The following OR9I1 variants were observed in gnomAD, a reference collection of about 807,000 sequenced individuals.
OR9I1 encodes olfactory receptor family 9 subfamily I member 1.
Under a neutral mutation model 11.2 loss-of-function variants are expected in OR9I1, and 7 were observed. The ratio of observed to expected loss-of-function variants is 0.62; its 90% CI spans 0.36 to 1.17. The LOEUF (loss-of-function observed/expected upper bound fraction) is 1.17, where lower values mean the gene tolerates loss of function less well. OR9I1 is among the 50% of genes most tolerant of loss of function. The pLI is 0.02. For synonymous variants in OR9I1, 165 were observed against 153.4 expected (o/e 1.08, Z -0.56); for missense variants, 428 against 377.2 (o/e 1.13, Z -1.12).
Position 58,118,677 on chromosome 11 carries a change from G to A in OR9I1, c.768C>T (p.Ile256=), listed in dbSNP as rs544060276. ...TAVALFFGAL[I]FMYLQSGSGK... ...CTGAGCCACTTTGCAGATACATGAA[G>A]ATAAGGGCTCCAAAGAAAAGGGCCA... The change falls in exon 3 of 3, where the codon ATC becomes ATT. Residue 256 remains isoleucine (I), a synonymous_variant. Transcript: ENST00000641439. The A allele has an allele frequency of 1.2e-6, 2 of 1,613,994 alleles. No individual in the cohort carries two copies. The highest frequency in any genetic ancestry group is 4.5e-5 in the East Asian group (2 of 44,836).
At chr11:58,124,009 C>A (rs1305302153) in intron 2 of OR9I1, among the ~76,000 whole-genome samples, 2 of 152,100 alleles carry the variant, frequency 1.3e-5, no homozygotes, top group Non-Finnish European at 2.9e-5. Context: ...AATATAGTAA[C>A]GATTCTTGAA....
rs977940614 is a variant in OR9I1 at position 58,117,976 on chromosome 11, C to T, written c.*524G>A. 7 of 152,410 alleles carry T rather than the reference C, an allele frequency of 4.6e-5. No individual in the cohort carries two copies. Among genetic ancestry groups the T allele is most frequent in the African/African-American group, 1.7e-4 (7 of 41,462 alleles). The allele number at this position is 152,410 out of a possible 1,614,324, so 9.4% of individuals were successfully genotyped here. On this transcript the variant is annotated 3_prime_UTR_variant, in exon 3 of 3. Coordinates refer to ENST00000641439, the MANE Select transcript of OR9I1 (RefSeq NM_001005211.2). ...AGAGAGAAGTTCATTTCTCAAACTT[C>T]CTTCCCTTGGCCAGTTGGAGACTGA... is the stretch of plus-strand genomic sequence containing the variant.
intron 2 of OR9I1, among the ~76,000 whole-genome samples, chr11:58,121,521 C>T (rs1259554954): frequency 3.9e-5 from 6 of 152,104 alleles, no homozygotes; most frequent in Admixed American, 3.9e-4. Context: ...ATCCGTTGAC[C>T]CACATGTAGA....
chr11:58,121,937 G>T (rs1190068732), intron 2 of OR9I1, among the ~76,000 whole-genome samples: 3 of 152,140 alleles, frequency 2.0e-5, no homozygotes, highest in Non-Finnish European at 4.4e-5. Context: ...ACTGACAGAG[G>T]TTAATGACTT....
At chr11:58,123,998 G>T (rs1018934307) in intron 2 of OR9I1, among the ~76,000 whole-genome samples, 3 of 152,128 alleles carry the variant, frequency 2.0e-5, no homozygotes, top group African/African-American at 7.2e-5. Context: ...AATAAAATGA[G>T]AATATAGTAA....
intron 2 of OR9I1, among the ~76,000 whole-genome samples, chr11:58,120,938 A>C (rs557428801): frequency 8.6e-5 from 13 of 151,834 alleles, no homozygotes; most frequent in Admixed American, 3.3e-4. Flanking sequence ...TAACAAAAAA[A>C]TCAGTCTTTT....
At chr11:58,119,552 G>C (rs949541831) in intron 2 of OR9I1, 86 bp from the exon 3 acceptor site, 2 of 727,892 alleles carry the variant, frequency 2.7e-6, no homozygotes, top group Admixed American at 6.0e-5. Context: ...TTTTAATTCT[G>C]GGTCTATTTG....
chr11:58,118,542 G>A lies in OR9I1; in HGVS notation c.903C>T (p.Phe301=). The change falls in exon 3 of 3, where the codon TTC becomes TTT. Residue 301 remains phenylalanine (F), a synonymous_variant. Coordinates refer to ENST00000641439, the MANE Select transcript of OR9I1 (RefSeq NM_001005211.2). ...SLRNKDVKDA[F]RKVARRLQVS... The stretch of plus-strand genomic sequence containing the variant: ...CCTGGAGTCTCCTAGCGACCTTTCT[G>A]AAGGCGTCTTTTACATCTTTGTTTC... 1 of 1,612,972 alleles carries A rather than the reference G, an allele frequency of 6.2e-7. No homozygotes were observed. The highest frequency in any genetic ancestry group is 8.5e-7 in the Non-Finnish European group (1 of 1,179,610).
At position 58,125,208 on chromosome 11, in the gene OR9I1, A is replaced by T. The variant is rs541309259; in HGVS notation, c.-225+66T>A. On this transcript the variant is annotated intron_variant, in intron 1 of 2. Coordinates refer to ENST00000641439, the MANE Select transcript of OR9I1 (RefSeq NM_001005211.2). ...CTTAGTGACACAAAAGCCCAAAGAG[A>T]TTAAAGCTGTAGATTCCCCCCTTAC... 22 of 151,036 alleles carry T rather than the reference A, an allele frequency of 1.5e-4. No homozygotes were observed. The East Asian group carries it at 4.0e-3, about 27-fold the overall frequency. The allele number at this position is 151,036 out of a possible 1,614,324, so 9.4% of individuals were successfully genotyped here. A position where few individuals can be genotyped will look rare whatever the true frequency, so the allele number is the denominator to read the frequency against.
At chr11:58,119,978 C>T (rs1854011262) in intron 2 of OR9I1, among the ~76,000 whole-genome samples, 1 of 152,186 alleles carries the variant, frequency 6.6e-6, no homozygotes, top group African/African-American at 2.4e-5. Context: ...ACTGATGAAT[C>T]TGCTCTTCCT....
chr11:58,120,369 A>G (rs1854016326), intron 2 of OR9I1, among the ~76,000 whole-genome samples: 1 of 152,192 alleles, frequency 6.6e-6, no homozygotes, highest in South Asian at 2.1e-4. Context: ...TATTTGTAAC[A>G]TAGAAAAATA....
At chr11:58,125,055 A>G (rs1420759695) in intron 1 of OR9I1, among the ~76,000 whole-genome samples, 1 of 152,204 alleles carries the variant, frequency 6.6e-6, no homozygotes, top group East Asian at 1.9e-4. Flanking sequence ...GAGTCCTAGT[A>G]CATATGACTA....
chr11:58,119,125 C>A lies in OR9I1; in HGVS notation c.320G>T (p.Cys107Phe). Reference protein sequence around the residue: ...CAAQFFLFTICAGTECFLLAV... With the variant: ...CAAQFFLFTIFAGTECFLLAV... ...CAGCAGAAAGCACTCTGTGCCTGCACAGATGGTGAATAAAAAGAACTGGGC... is the reference window on the plus strand; with the variant it reads ...CAGCAGAAAGCACTCTGTGCCTGCAAAGATGGTGAATAAAAAGAACTGGGC... The change falls in exon 3 of 3, where the codon TGT becomes TTT. Residue 107 changes from cysteine to phenylalanine, a missense_variant. Cys to Phe is a radical substitution (Grantham distance 205, BLOSUM62 -2). Transcript: ENST00000641439. 6.2e-7 allele frequency: 1 copy of A among 1,613,950 alleles called. No individual in the cohort carries two copies. The highest frequency in any genetic ancestry group is 8.5e-7 in the Non-Finnish European group (1 of 1,179,990).
At chr11:58,120,827 T>TATATATAC (rs1232813620) in intron 2 of OR9I1, among the ~76,000 whole-genome samples, 131 of 145,104 alleles carry the variant, frequency 9.0e-4, no homozygotes, top group African/African-American at 2.8e-3. Context: ...TATATATATA[T>TATATATAC]ACATATATTC....
Position 58,118,603 on chromosome 11 carries a change from A to T in OR9I1, c.842T>A (p.Val281Asp), listed in dbSNP as rs748788192. Residue 281 changes from valine to aspartate, a missense_variant, in exon 3 of 3, where the codon GTC becomes GAC. Val to Asp is a radical substitution (Grantham distance 152). Transcript: ENST00000641439. Reference sequence around the variant, plus strand: ...GATCAGAGGGTTCAGCATGGGGATGACCACTGTATAGAAGACAGACACGAC... The same window carrying T: ...GATCAGAGGGTTCAGCATGGGGATGTCCACTGTATAGAAGACAGACACGAC... The part of the protein sequence containing the change: ...DKVVSVFYTV[V>D]IPMLNPLIYS... 1 of 1,614,030 alleles carries T rather than the reference A, an allele frequency of 6.2e-7. No homozygotes were observed. Among genetic ancestry groups the T allele is most frequent in the South Asian group, 1.1e-5 (1 of 91,074 alleles).
rs146574837 is a variant in OR9I1, at chr11:58,118,532, C to T, written c.913G>A (p.Ala305Thr). 1.6e-5 allele frequency: 26 copies of T among 1,611,472 alleles called. No individual in the cohort carries two copies. Among genetic ancestry groups the T allele is most frequent in the East Asian group, 4.5e-5 (2 of 44,872 alleles). The part of the protein sequence containing the change: ...KDVKDAFRKV[A>T]RRLQVSLSM ...CTCAGGGACACCTGGAGTCTCCTAG[C>T]GACCTTTCTGAAGGCGTCTTTTACA... is the stretch of plus-strand genomic sequence containing the variant. Residue 305 changes from alanine to threonine, a missense_variant, in exon 3 of 3, where the codon GCT (alanine) becomes ACT (threonine). Coordinates refer to ENST00000641439, the MANE Select transcript of OR9I1 (RefSeq NM_001005211.2).
In OR9I1 at chr11:58,118,045, C is replaced by G. The variant is rs1363775471; in HGVS notation, c.*455G>C. 1 of 154,058 alleles carries G rather than the reference C, an allele frequency of 6.5e-6. No individual in the cohort carries two copies. Among genetic ancestry groups the G allele is most frequent in the Non-Finnish European group, 1.4e-5 (1 of 69,530 alleles). 9.5% of individuals were successfully genotyped at this position (154,058 alleles called of 1,614,324 possible). ...CTCCCTGCTTAGTGAGGTGATCAGT[C>G]CTTCATATTAAAAGAAAAAAAGGCC... On this transcript the variant is annotated 3_prime_UTR_variant, in exon 3 of 3. Transcript: ENST00000641439.
chr11:58,118,403 T>C lies in OR9I1; in HGVS notation c.*97A>G. Reference sequence around the variant, plus strand: ...GGTGGTACCTATCTTCTGTCTTCTCTGTTTGTGGGTATAGGTTGCATATAG... The same window carrying C: ...GGTGGTACCTATCTTCTGTCTTCTCCGTTTGTGGGTATAGGTTGCATATAG... On this transcript the variant is annotated 3_prime_UTR_variant, in exon 3 of 3. Coordinates refer to ENST00000641439, the MANE Select transcript of OR9I1 (RefSeq NM_001005211.2). 1 of 770,696 alleles carries C rather than the reference T, an allele frequency of 1.3e-6. No homozygotes were observed. Among genetic ancestry groups the C allele is most frequent in the Non-Finnish European group, 2.1e-6 (1 of 476,286 alleles). 47.7% of individuals were successfully genotyped at this position (770,696 alleles called of 1,614,324 possible).
rs141404154 is a variant in OR9I1 at position 58,118,898 on chromosome 11, G to T, written c.547C>A (p.Pro183Thr). Residue 183 changes from proline (P) to threonine (T), a missense_variant, in exon 3 of 3, where the codon CCC becomes ACC. Coordinates refer to ENST00000641439, the MANE Select transcript of OR9I1 (RefSeq NM_001005211.2). ...QINFFFCDLP[P>T]LLKLACSDTA... Reference sequence around the variant, plus strand: ...TCACTGCAGGCAAGCTTCAGCAGGGGTGGGAGGTCACAGAAGAAGAAGTTT... The same window carrying T: ...TCACTGCAGGCAAGCTTCAGCAGGGTTGGGAGGTCACAGAAGAAGAAGTTT... The T allele has an allele frequency of 2.4e-5, 39 of 1,613,936 alleles. No homozygotes were observed. The African/African-American group carries it at 3.5e-4, about 14-fold the overall frequency.
Sources: gnomAD v4.1 joint callset for allele counts (sites outside exome capture counted in the v4.1 genomes callset) on GRCh38, gnomAD v4.1.1 for gene constraint, MANE v1.5 for transcripts, NCBI Gene and HGNC (gene_info 2026-07-23, HGNC 2026-07-21) for gene names.